The following MYRFL variants were observed in gnomAD, a reference collection of about 807,000 sequenced individuals.
MYRFL encodes myelin regulatory factor like.
A neutral mutation model predicts 109.4 loss-of-function variants in MYRFL; 88 were observed. The ratio of observed to expected loss-of-function variants is 0.80; its 90% CI spans 0.68 to 0.96. The LOEUF (loss-of-function observed/expected upper bound fraction) is 0.96. Among genes scored for constraint, MYRFL ranks in the 40% least tolerant of loss-of-function variants. The probability of loss-of-function intolerance (pLI) is 0.00; values close to 1 mark genes in which losing one functional copy is unlikely to be tolerated. For missense variants in MYRFL, 957 were observed against 954.9 expected, an observed-to-expected ratio of 1.00 and a Z score of -0.03; for synonymous variants, 324 against 320.9, an observed-to-expected ratio of 1.01 and a Z score of -0.10.
intron 2 of MYRFL, among the ~76,000 whole-genome samples, chr12:69,874,765 T>C (rs1006073888): frequency 5.9e-5 from 9 of 152,086 alleles, no homozygotes; most frequent in African/African-American, 2.2e-4. Context: ...TTTAAAGATG[T>C]TTTTGTACTG....
chr12:69,839,643 A>C (rs1471386737), intron 1 of MYRFL, among the ~76,000 whole-genome samples: 1 of 152,212 alleles, frequency 6.6e-6, no homozygotes, highest in Non-Finnish European at 1.5e-5. Flanking sequence ...ACTTCTCTGA[A>C]AGATAGGGAT....
At chr12:69,931,206 G>A (rs976917360) in intron 15 of MYRFL, among the ~76,000 whole-genome samples, 4 of 152,140 alleles carry the variant, frequency 2.6e-5, no homozygotes, top group African/African-American at 7.2e-5. Flanking sequence ...CAGCAGCTGT[G>A]GGGGTAGGTT....
chr12:69,857,795 A>G (rs371996384), intron 2 of MYRFL, among the ~76,000 whole-genome samples: 2 of 151,928 alleles, frequency 1.3e-5, no homozygotes, highest in East Asian at 3.9e-4. Context: ...GTTGAAGGTC[A>G]TGTCATCTGC....
intron 1 of MYRFL, among the ~76,000 whole-genome samples, chr12:69,832,925 C>G (rs11177890): frequency 0.12 from 17,767 of 146,336 alleles, 1,304 homozygotes; most frequent in Middle Eastern, 0.2. Flanking sequence ...ACTTAGATGT[C>G]GAAGACTGAG....
intron 6 of MYRFL, among the ~76,000 whole-genome samples, chr12:69,889,021 G>A (rs1886628155): frequency 6.6e-6 from 1 of 152,128 alleles, no homozygotes. Context: ...CATTGGGAAG[G>A]TGCAAAGAAC....
At chr12:69,858,335 G>A (rs1884426816) in intron 2 of MYRFL, among the ~76,000 whole-genome samples, 2 of 151,502 alleles carry the variant, frequency 1.3e-5, no homozygotes. Flanking sequence ...ATTTTTTCTG[G>A]GTTTGGTATC....
chr12:69,893,738 AGTTT>A (rs1007071946), intron 7 of MYRFL, 22 bp from the exon 8 acceptor site: 12 of 1,284,562 alleles, frequency 9.3e-6, no homozygotes, highest in Non-Finnish European at 1.2e-5. Flanking sequence ...TTAATTAATT[AGTTT>A]ACTTTTTGTT....
At chr12:69,848,674 A>G (rs989649793) in intron 1 of MYRFL, among the ~76,000 whole-genome samples, 2 of 152,140 alleles carry the variant, frequency 1.3e-5, no homozygotes, top group African/African-American at 2.4e-5. Context: ...AATATATGTC[A>G]TATGCAAATT....
At chr12:69,947,497 A>T (rs1255302605) in intron 19 of MYRFL, among the ~76,000 whole-genome samples, 2 of 152,180 alleles carry the variant, frequency 1.3e-5, no homozygotes, top group East Asian at 3.8e-4. Context: ...AGTATTTTGG[A>T]ATATTGAGCT....
intron 15 of MYRFL, among the ~76,000 whole-genome samples, 159 bp from the exon 16 acceptor site, chr12:69,932,354 T>TA (rs1354948464): frequency 6.6e-6 from 1 of 152,196 alleles, no homozygotes; most frequent in Non-Finnish European, 1.5e-5. Context: ...AATGTTGTTT[T>TA]CAGAGAGGCA....
chr12:69,926,433 C>A, intron 13 of MYRFL, 138 bp from the exon 14 acceptor site: 1 of 648,316 alleles, frequency 1.5e-6, no homozygotes, highest in Non-Finnish European at 2.2e-6. Flanking sequence ...CCAGATTTAT[C>A]TTGAATGAAC....
Position 69,886,840 on chromosome 12 carries a change from A to G in MYRFL, c.577A>G (p.Ser193Gly). ...CRPMTSRSRS[S>G]EVQDPDSEGQ... The stretch of plus-strand genomic sequence containing the variant: ...TGCAGTGACAAGTAGGAGTCGCAGC[A>G]GTGAAGTCCAGGACCCTGACAGTGA... The change falls in exon 6 of 25, where the codon AGT becomes GGT. Residue 193 changes from serine to glycine, a missense_variant. Ser to Gly is a moderately conservative substitution (Grantham distance 56). Transcript: ENST00000552032. 7.8e-6 allele frequency: 12 copies of G among 1,535,952 alleles called. No individual in the cohort carries two copies. Among genetic ancestry groups the G allele is most frequent in the Non-Finnish European group, 9.6e-6 (11 of 1,146,724 alleles).
intron 1 of MYRFL, among the ~76,000 whole-genome samples, chr12:69,849,500 A>G (rs1178296325): frequency 6.6e-6 from 1 of 152,218 alleles, no homozygotes; most frequent in Non-Finnish European, 1.5e-5. Flanking sequence ...ATTTTATGCT[A>G]GCTTCATGAA....
chr12:69,874,212 C>A (rs1369092831), intron 2 of MYRFL, among the ~76,000 whole-genome samples: 1 of 152,092 alleles, frequency 6.6e-6, no homozygotes, highest in African/African-American at 2.4e-5. Flanking sequence ...AACTTCTCAG[C>A]CTGTTGCTCA....
Position 69,879,368 on chromosome 12 carries a change from C to A in MYRFL, c.379C>A (p.Leu127Ile), listed in dbSNP as rs991502512. 4.3e-6 allele frequency: 3 copies of A among 702,852 alleles called. No homozygotes were observed. The highest frequency in any genetic ancestry group is 4.0e-5 in the Admixed American group (2 of 50,002). The allele number at this position is 702,852 out of a possible 1,614,324, so 43.5% of individuals were successfully genotyped here. A position where few individuals can be genotyped will look rare whatever the true frequency, so the allele number is the denominator to read the frequency against. The change falls in exon 4 of 25, where the codon CTT becomes ATT. Residue 127 changes from leucine (L) to isoleucine (I), a missense_variant. Physicochemically the swap from Leu to Ile is conservative, Grantham distance 5 (BLOSUM62 2). Coordinates refer to ENST00000552032, the MANE Select transcript of MYRFL (RefSeq NM_182530.3). ...FHSCHSNASH[L>I]ATPLDQSVSS... ...CAGCTGCCACTCAAACGCCAGTCAT[C>A]TTGCCACCCCCCTGGACCAATCCGT...
chr12:69,836,539 G>C (rs1882953238), intron 1 of MYRFL, among the ~76,000 whole-genome samples: 1 of 152,116 alleles, frequency 6.6e-6, no homozygotes. Context: ...AATATTCCTT[G>C]GAACGATTTT....
At position 69,903,715 on chromosome 12, in the gene MYRFL, T is replaced by A. The variant is rs1365430831; in HGVS notation, c.1254T>A (p.Ile418=). Reference sequence around the variant, plus strand: ...AGCGAGGACAAGTTCCAGAATCTATTGTCTGTCACGGTCGAGTAGGAATCA... The same window carrying A: ...AGCGAGGACAAGTTCCAGAATCTATAGTCTGTCACGGTCGAGTAGGAATCA... The part of the protein sequence containing the change: ...LWQRGQVPES[I]VCHGRVGINT... Residue 418 remains isoleucine (I), a synonymous_variant, in exon 11 of 25, where the codon ATT becomes ATA. Transcript: ENST00000552032. 6.5e-7 allele frequency: 1 copy of A among 1,535,918 alleles called. No individual in the cohort carries two copies. Among genetic ancestry groups the A allele is most frequent in the African/African-American group, 1.4e-5 (1 of 73,176 alleles).
chr12:69,952,838 T>C lies in MYRFL; in HGVS notation c.2327T>C (p.Ile776Thr), dbSNP rs995220177. 2.6e-6 allele frequency: 4 copies of C among 1,535,636 alleles called. No homozygotes were observed. In the African/African-American group the frequency reaches 5.5e-5, roughly 21 times the overall value. ...TTISSIQIME[I>T]QQIIDHQYCI... is the part of the protein sequence containing the mutation. ...ATCAGTTCTATTCAGATTATGGAAA[T>C]CCAGCAAATAATAGATCATCAGTAT... The change falls in exon 21 of 25, where the codon ATC becomes ACC. Residue 776 changes from isoleucine to threonine, a missense_variant. Transcript: ENST00000552032.
Position 69,936,375 on chromosome 12 carries a change from A to G in MYRFL, c.2044+40A>G, listed in dbSNP as rs527750967. 54 of 1,534,556 alleles carry G rather than the reference A, an allele frequency of 3.5e-5. No individual in the cohort carries two copies. The African/African-American group carries it at 6.6e-4, about 19-fold the overall frequency. Reference sequence around the variant, plus strand: ...TTCCTCACCCTCAAACCCGGTTTCAAGTGAACTGTTAACAGAAGAAACCAG... The same window carrying G: ...TTCCTCACCCTCAAACCCGGTTTCAGGTGAACTGTTAACAGAAGAAACCAG... On this transcript the variant is annotated intron_variant, in intron 18 of 24. Transcript: ENST00000552032.
Sources: gnomAD v4.1 joint callset for allele counts (sites outside exome capture counted in the v4.1 genomes callset) on GRCh38, gnomAD v4.1.1 for gene constraint, MANE v1.5 for transcripts, NCBI Gene and HGNC (gene_info 2026-07-23, HGNC 2026-07-21) for gene names.